Variants in MYO7B observed in about 807,000 individuals in gnomAD.
MYO7B encodes the protein myosin VIIB.
In MYO7B, 212 loss-of-function variants were observed where a neutral mutation model predicts 259.7. The observed-to-expected ratio is 0.82, with a 90% CI of 0.73 to 0.91. MYO7B has a LOEUF of 0.91. MYO7B is among the 40% of genes least tolerant of loss of function. The pLI is 0.00. For synonymous variants in MYO7B, 1,197 were observed against 1,166.4 expected, an observed-to-expected ratio of 1.03 and a Z score of -0.54; for missense variants, 2,732 against 2,813.5, an observed-to-expected ratio of 0.97 and a Z score of 0.66.
At chr2:127,635,054 G>C in intron 42 of MYO7B, 66 bp from the exon 43 acceptor site, 1 of 1,328,922 alleles carries the variant, frequency 7.5e-7, no homozygotes, top group Non-Finnish European at 1.1e-6. Context: ...TGTGGGGGGT[G>C]GCAGGGGGTC....
rs1680288801 is a variant in MYO7B, at chr2:127,609,435, G to A, written c.2815-71G>A. 22 of 1,429,238 alleles carry A rather than the reference G, an allele frequency of 1.5e-5. No individual in the cohort carries two copies. The highest frequency in any genetic ancestry group is 1.9e-5 in the Non-Finnish European group (20 of 1,036,736). 88.5% of individuals were successfully genotyped at this position (1,429,238 alleles called of 1,614,324 possible). A position where few individuals can be genotyped will look rare whatever the true frequency, so the allele number is the denominator to read the frequency against. ...CAGCCCCCGTGCTGCCCGGCCTGCTGGACAGTCAGCTGATGGGTTGGTTGT... is the reference window on the plus strand; with the variant it reads ...CAGCCCCCGTGCTGCCCGGCCTGCTAGACAGTCAGCTGATGGGTTGGTTGT... On this transcript the variant is annotated intron_variant, in intron 22 of 47. Coordinates refer to ENST00000409816, the MANE Select transcript of MYO7B (RefSeq NM_001393586.1). This position sits in a 1 kb window ranked among gnomAD's most constrained non-coding sequence, Gnocchi z 6.9.
rs779653997 is a variant in MYO7B at position 127,627,734 on chromosome 2, T to TA, written c.4460+425dup. 4.4e-6 allele frequency: 2 copies of TA among 459,066 alleles called. No individual in the cohort carries two copies. Among genetic ancestry groups the TA allele is most frequent in the South Asian group, 3.1e-5 (2 of 64,594 alleles). The allele number at this position is 459,066 out of a possible 1,614,324, so 28.4% of individuals were successfully genotyped here. A position where few individuals can be genotyped will look rare whatever the true frequency, so the allele number is the denominator to read the frequency against. On this transcript the variant is annotated intron_variant, in intron 33 of 47. Coordinates refer to ENST00000409816, the MANE Select transcript of MYO7B (RefSeq NM_001393586.1). This position sits in a 1 kb window ranked among gnomAD's most constrained non-coding sequence, Gnocchi z 5.6. Reference sequence around the variant, plus strand: ...CACAGGGCAGGGCTGGGGGTCCTCTTAGGCTGGGGCTGACCCCCACTCCCA... The same window carrying TA: ...CACAGGGCAGGGCTGGGGGTCCTCTTAAGGCTGGGGCTGACCCCCACTCCCA...
intron 1 of MYO7B, among the ~76,000 whole-genome samples, chr2:127,545,650 C>T (rs1349475361): frequency 6.6e-6 from 1 of 152,258 alleles, no homozygotes; most frequent in Non-Finnish European, 1.5e-5. Flanking sequence ...TGCACAGGCT[C>T]TGCCACAGCC....
At position 127,584,699 on chromosome 2, in the gene MYO7B, C is replaced by T. The variant is rs878948046; in HGVS notation, c.1555-79C>T. The stretch of plus-strand genomic sequence containing the variant: ...TTCTGAGCCCAGATCTCTTTGCCTC[C>T]ATGAGGAAGTCCCTGAGCCTCACCT... On this transcript the variant is annotated intron_variant, in intron 13 of 47. Transcript: ENST00000409816. The surrounding 1 kb of genome is among the most constrained non-coding windows in gnomAD (Gnocchi z 5.8). The T allele has an allele frequency of 1.8e-5, 27 of 1,540,028 alleles. 1 individual carries two copies. In the South Asian group the frequency reaches 3.1e-4, roughly 18 times the overall value.
At chr2:127,580,699 T>C in intron 9 of MYO7B, 47 bp from the exon 10 acceptor site, 5 of 1,562,538 alleles carry the variant, frequency 3.2e-6, no homozygotes, top group Non-Finnish European at 4.4e-6. Context: ...CTTGCTCCCA[T>C]CGCTCCAGGC....
chr2:127,538,601 T>C (rs1311198839), intron 1 of MYO7B, among the ~76,000 whole-genome samples: 4 of 151,928 alleles, frequency 2.6e-5, no homozygotes, highest in Non-Finnish European at 1.5e-5. Context: ...AGTCTGGCTC[T>C]GTTGCCCAGG....
In MYO7B at chr2:127,596,457, T is replaced by G. The variant is rs1314871305; in HGVS notation, c.2245-5T>G. ...AGCCCAGTGACGGCGTCTCTCCTGT[T>G]CCAGGATCATCAGGACACTCTGCTG... On this transcript the variant is annotated splice_region_variant and splice_polypyrimidine_tract_variant and intron_variant, in intron 18 of 47. Transcript: ENST00000409816. 6 of 1,611,548 alleles carry G rather than the reference T, an allele frequency of 3.7e-6. No individual in the cohort carries two copies. The South Asian group carries it at 6.6e-5, about 18-fold the overall frequency.
Position 127,596,459 on chromosome 2 carries a change from C to T in MYO7B, c.2245-3C>T. On this transcript the variant is annotated splice_region_variant and splice_polypyrimidine_tract_variant and intron_variant, in intron 18 of 47. Transcript: ENST00000409816. ...CCCAGTGACGGCGTCTCTCCTGTTCCAGGATCATCAGGACACTCTGCTGGA... is the reference window on the plus strand; with the variant it reads ...CCCAGTGACGGCGTCTCTCCTGTTCTAGGATCATCAGGACACTCTGCTGGA... 6.2e-7 allele frequency: 1 copy of T among 1,611,836 alleles called. No individual in the cohort carries two copies. The highest frequency in any genetic ancestry group is 1.1e-5 in the South Asian group (1 of 90,658).
Position 127,592,781 on chromosome 2 carries a change from T to C in MYO7B, c.1993-13T>C, listed in dbSNP as rs369302756. 119 of 1,604,786 alleles carry C rather than the reference T, an allele frequency of 7.4e-5. No homozygotes were observed. Among genetic ancestry groups the C allele is most frequent in the Middle Eastern group, 3.3e-4 (2 of 6,048 alleles). ...GGGCTTGCGCTGGGTCAGCGCCCGG[T>C]GTCCGCCCACAGCTGTTCGACCGGG... On this transcript the variant is annotated splice_polypyrimidine_tract_variant and intron_variant, in intron 16 of 47. Transcript: ENST00000409816.
At chr2:127,552,647 G>A (rs555452895) in intron 1 of MYO7B, among the ~76,000 whole-genome samples, 1 of 152,250 alleles carries the variant, frequency 6.6e-6, no homozygotes, top group East Asian at 1.9e-4. Context: ...GAGGAATGAT[G>A]GGGCATGCCT....
chr2:127,551,069 A>C, intron 1 of MYO7B, among the ~76,000 whole-genome samples: 1 of 114,852 alleles, frequency 8.7e-6, no homozygotes, highest in South Asian at 3.3e-4. Context: ...AATACTGCAG[A>C]CTGAGGATGG....
At chr2:127,571,397 C>T (rs1159316903) in intron 6 of MYO7B, among the ~76,000 whole-genome samples, 1 of 92,558 alleles carries the variant, frequency 1.1e-5, no homozygotes, top group Non-Finnish European at 2.3e-5. Context: ...AAATCTTTTG[C>T]CTATTCTTTA....
chr2:127,605,820 G>A, intron 19 of MYO7B, 24 bp from the exon 20 acceptor site: 1 of 1,609,140 alleles, frequency 6.2e-7, no homozygotes, highest in Non-Finnish European at 8.5e-7. Flanking sequence ...TGTTACATGT[G>A]TGTGGCTTGC....
intron 27 of MYO7B, among the ~76,000 whole-genome samples, chr2:127,621,491 C>A (rs1680837769): frequency 6.6e-6 from 1 of 152,140 alleles, no homozygotes; most frequent in Non-Finnish European, 1.5e-5. Context: ...AAACTCCTGA[C>A]CTCAGGTGAT....
intron 28 of MYO7B, among the ~76,000 whole-genome samples, chr2:127,622,739 A>T (rs928436587): frequency 4.0e-4 from 61 of 152,152 alleles, no homozygotes; most frequent in African/African-American, 1.4e-3. Flanking sequence ...CCCTCCCACG[A>T]GCCCTGGAAT....
At chr2:127,616,010 T>C (rs1414557033) in intron 26 of MYO7B, among the ~76,000 whole-genome samples, 2 of 152,188 alleles carry the variant, frequency 1.3e-5, no homozygotes, top group Non-Finnish European at 2.9e-5. Context: ...CCCACAATAG[T>C]AAATCTCCTG....
Position 127,622,031 on chromosome 2 carries a change from G to C in MYO7B, c.3575G>C (p.Cys1192Ser). ...GGGCCGGCGACCTACGGCCCCTTCT[G>C]TGCCGAGCGCCTGAGACGCACCTAT... ...GQGPATYGPF[C>S]AERLRRTYAN... The change falls in exon 28 of 48, where the codon TGT (cysteine) becomes TCT (serine). Residue 1192 changes from cysteine (C) to serine (S), a missense_variant. Physicochemically the swap from Cys to Ser is moderately radical, Grantham distance 112. Around this residue, in one of 3 missense-constraint regions of MYO7B, gnomAD observed 1,906 missense variants for 2,026.4 expected, o/e 0.94. Transcript: ENST00000409816. The C allele has an allele frequency of 6.4e-7, 1 of 1,551,764 alleles. No homozygotes were observed. The highest frequency in any genetic ancestry group is 8.7e-7 in the Non-Finnish European group (1 of 1,147,006).
At chr2:127,630,051 C>G (rs1223012766) in intron 35 of MYO7B, among the ~76,000 whole-genome samples, 5 of 152,234 alleles carry the variant, frequency 3.3e-5, no homozygotes, top group Non-Finnish European at 7.3e-5. Flanking sequence ...TTCCCTCCCT[C>G]TTCCATCATG....
In MYO7B at chr2:127,627,350, T is replaced by C. The variant is rs371792525; in HGVS notation, c.4460+40T>C. The C allele has an allele frequency of 3.1e-6, 5 of 1,601,418 alleles. No individual in the cohort carries two copies. In the African/African-American group the frequency reaches 6.7e-5, roughly 22 times the overall value. Reference sequence around the variant, plus strand: ...GGAAGATCTCTTCTTACACACTGAGTCCTTGTGATGCATCTGGGGGCTCGG... The same window carrying C: ...GGAAGATCTCTTCTTACACACTGAGCCCTTGTGATGCATCTGGGGGCTCGG... On this transcript the variant is annotated intron_variant, in intron 33 of 47. Coordinates refer to ENST00000409816, the MANE Select transcript of MYO7B (RefSeq NM_001393586.1). The surrounding 1 kb of genome is among the most constrained non-coding windows in gnomAD (Gnocchi z 5.6).
Sources: allele counts gnomAD v4.1 joint callset (sites outside exome capture counted in the v4.1 genomes callset), GRCh38; gene constraint gnomAD v4.1.1; regional missense constraint gnomAD v4.1.1; non-coding constraint Gnocchi (gnomAD v3.1); transcripts MANE v1.5; gene names NCBI Gene and HGNC (gene_info 2026-07-23, HGNC 2026-07-21).